MTR: variants seen among roughly 807,000 people sequenced by gnomAD.
MTR encodes the protein 5-methyltetrahydrofolate-homocysteine methyltransferase.
MTR carries 84 observed loss-of-function variants against 154.8 expected under a neutral mutation model. The observed-to-expected ratio is 0.54, with a 90% CI of 0.45 to 0.65. The LOEUF is 0.65. Ranked by LOEUF, MTR falls within the 30% of genes least tolerant of loss-of-function variation. The pLI, the probability that MTR is intolerant of heterozygous loss-of-function variation, is 0.00. For synonymous variants in MTR, 554 were observed against 553.9 expected (o/e 1.00, Z 0.00); for missense variants, 1,275 against 1,570.2 (o/e 0.81, Z 3.18).
At position 236,887,215 on chromosome 1, in the gene MTR, C is replaced by T. The variant is rs184638671; in HGVS notation, c.2851+848C>T. ...TCTACACATGCTTGGCAGAGTTGAG[C>T]GGATTAAATTGGAAATGTAGGTGTG... is the stretch of plus-strand genomic sequence containing the variant. On this transcript the variant is annotated intron_variant, in intron 27 of 32. Coordinates refer to ENST00000366577, the MANE Select transcript of MTR (RefSeq NM_000254.3). Among the ~76,000 whole-genome samples, 15 of 152,236 alleles carry T rather than the reference C, an allele frequency of 9.9e-5. No individual in the cohort carries two copies. In the East Asian group the frequency reaches 2.7e-3, roughly 27 times the overall value.
intron 18 of MTR, among the ~76,000 whole-genome samples, chr1:236,855,612 C>T (rs979908021): frequency 6.6e-6 from 1 of 152,176 alleles, no homozygotes; most frequent in African/African-American, 2.4e-5. Context: ...TCACATTCTT[C>T]CTTGGCTTTC....
rs1666690192 is a variant in MTR, at chr1:236,897,307, C to CAT, written c.3711+190_3711+191insTA. 7.6e-5 allele frequency among the ~76,000 whole-genome samples: 10 copies of CAT among 131,946 alleles called. No homozygotes were observed. The South Asian group carries it at 2.4e-3, about 31-fold the overall frequency. The allele number at this position is 131,946 out of a possible 152,430, so 86.6% of individuals were successfully genotyped here. On this transcript the variant is annotated intron_variant, in intron 32 of 32. Transcript: ENST00000366577. Reference sequence around the variant, plus strand: ...CTCACTTCTACATGCAAGCCACACACACGCACACACACACACACACACACA... The same window carrying CAT: ...CTCACTTCTACATGCAAGCCACACACATACGCACACACACACACACACACACA...
At chr1:236,836,029 A>G (rs545159034) in intron 14 of MTR, among the ~76,000 whole-genome samples, 8 of 152,290 alleles carry the variant, frequency 5.3e-5, no homozygotes, top group Admixed American at 5.2e-4. Flanking sequence ...AGGCAAGGGA[A>G]CTCAGTGAAT....
chr1:236,890,075 G>A (rs548197109), intron 28 of MTR, among the ~76,000 whole-genome samples: 2 of 152,262 alleles, frequency 1.3e-5, no homozygotes, highest in Non-Finnish European at 2.9e-5. Flanking sequence ...GCAGCAGGGA[G>A]GGGTAGACTC....
At chr1:236,851,517 A>G (rs1468328682) in intron 16 of MTR, among the ~76,000 whole-genome samples, 2 of 152,222 alleles carry the variant, frequency 1.3e-5, no homozygotes, top group South Asian at 4.1e-4. Context: ...TAGATACAGC[A>G]TCTTAACATA....
At chr1:236,895,976 C>G (rs1666603179) in intron 31 of MTR, among the ~76,000 whole-genome samples, 1 of 152,176 alleles carries the variant, frequency 6.6e-6, no homozygotes, top group African/African-American at 2.4e-5. Flanking sequence ...TTGCAGAGCG[C>G]CCAGCCTTCC....
At chr1:236,823,796 C>CTTTTT (rs59710180) in intron 8 of MTR, among the ~76,000 whole-genome samples, 507 of 18,422 alleles carry the variant, frequency 0.028, 180 homozygotes, top group Non-Finnish European at 0.034. Flanking sequence ...CAGGTCAGAT[C>CTTTTT]TTTTTTTTTT....
chr1:236,830,596 C>T (rs951047183), intron 12 of MTR, among the ~76,000 whole-genome samples: 1 of 152,166 alleles, frequency 6.6e-6, no homozygotes, highest in African/African-American at 2.4e-5. Context: ...ATCTTTGTAT[C>T]AAGTACTTCA....
At chr1:236,827,799 G>A (rs980198705) in intron 11 of MTR, among the ~76,000 whole-genome samples, 1 of 152,124 alleles carries the variant, frequency 6.6e-6, no homozygotes, top group Non-Finnish European at 1.5e-5. Context: ...TCAGTGAAAT[G>A]GAACATTGTT....
Position 236,876,667 on chromosome 1 carries a change from A to G in MTR, c.2594+1821A>G, listed in dbSNP as rs113084780. Among the ~76,000 whole-genome samples, 343 of 152,198 alleles carry G rather than the reference A, an allele frequency of 2.3e-3. 2 individuals are homozygous for G. Among genetic ancestry groups the G allele is most frequent in the Non-Finnish European group, 3.7e-3 (255 of 68,024 alleles). Reference sequence around the variant, plus strand: ...TCTTGTGCAAATTGGAACTTTACCAAATAGTCCATTCTATCATTTACTATG... The same window carrying G: ...TCTTGTGCAAATTGGAACTTTACCAGATAGTCCATTCTATCATTTACTATG... On this transcript the variant is annotated intron_variant, in intron 24 of 32. Coordinates refer to ENST00000366577, the MANE Select transcript of MTR (RefSeq NM_000254.3).
rs2103166386 is a variant in MTR at position 236,838,493 on chromosome 1, A to G, written c.1409A>G (p.Asn470Ser). 6 of 1,614,134 alleles carry G rather than the reference A, an allele frequency of 3.7e-6. No individual in the cohort carries two copies. Among genetic ancestry groups the G allele is most frequent in the South Asian group, 1.1e-5 (1 of 91,066 alleles). ...LKCCQGKCIV[N>S]SISLKEGEDD... is the part of the protein sequence containing the mutation. ...TGCTGCCAAGGGAAGTGCATTGTCA[A>G]TAGCATTAGTCTGAAGGAAGGAGAG... Residue 470 changes from asparagine (N) to serine (S), a missense_variant, in exon 15 of 33, where the codon AAT (asparagine) becomes AGT (serine). By Grantham distance (46) the Asn-to-Ser change is conservative. Transcript: ENST00000366577.
chr1:236,825,375 T>C lies in MTR; in HGVS notation c.903T>C (p.Pro301=). The part of the protein sequence containing the change: ...PNTFGDYDET[P]SMMAKHLKDF... ...CCTTTGGTGACTATGATGAAACGCC[T>C]TCTATGATGGCCAAGCACCTAAAGG... The change falls in exon 10 of 33, where the codon CCT becomes CCC. Residue 301 remains proline, a synonymous_variant. Coordinates refer to ENST00000366577, the MANE Select transcript of MTR (RefSeq NM_000254.3). 1 of 1,613,878 alleles carries C rather than the reference T, an allele frequency of 6.2e-7. No individual in the cohort carries two copies. The highest frequency in any genetic ancestry group is 1.1e-5 in the South Asian group (1 of 91,078).
In MTR at chr1:236,815,778, A is replaced by G. The variant is rs1429025005; in HGVS notation, c.669+115A>G. The stretch of plus-strand genomic sequence containing the variant: ...TTAATGGTATCTTTAGAACTCATCT[A>G]CTTTAACTTCCATTGTTCACTTCCC... On this transcript the variant is annotated intron_variant, in intron 7 of 32. Transcript: ENST00000366577. 12 of 998,108 alleles carry G rather than the reference A, an allele frequency of 1.2e-5. No homozygotes were observed. In the East Asian group the frequency reaches 2.8e-4, roughly 23 times the overall value. 61.8% of individuals were successfully genotyped at this position (998,108 alleles called of 1,614,324 possible). A position where few individuals can be genotyped will look rare whatever the true frequency, so the allele number is the denominator to read the frequency against.
intron 13 of MTR, among the ~76,000 whole-genome samples, chr1:236,832,777 G>C (rs150681835): frequency 6.6e-6 from 1 of 152,256 alleles, no homozygotes; most frequent in East Asian, 1.9e-4. Flanking sequence ...ACCAGTACCA[G>C]AGCTGATTTA....
intron 17 of MTR, 77 bp downstream of exon 17, chr1:236,852,714 G>C: frequency 1.5e-6 from 2 of 1,321,600 alleles, no homozygotes; most frequent in Non-Finnish European, 2.2e-6. Flanking sequence ...TGGCATGCAG[G>C]CTAAGTCCGG....
intron 15 of MTR, among the ~76,000 whole-genome samples, chr1:236,846,640 C>CA (rs1298355177): frequency 6.6e-6 from 1 of 152,256 alleles, no homozygotes; most frequent in African/African-American, 2.4e-5. Context: ...TTCAATTACT[C>CA]ATTCAATGGA....
chr1:236,868,377 C>A (rs533054374), intron 22 of MTR, among the ~76,000 whole-genome samples: 4 of 152,174 alleles, frequency 2.6e-5, no homozygotes, highest in African/African-American at 9.6e-5. Context: ...ATAGTGTGAA[C>A]ATAACTTTTA....
At chr1:236,875,413 A>G (rs1443125307) in intron 24 of MTR, among the ~76,000 whole-genome samples, 2 of 152,214 alleles carry the variant, frequency 1.3e-5, no homozygotes, top group African/African-American at 2.4e-5. Context: ...TGTAAAGATG[A>G]GAAAGTTCAA....
chr1:236,870,028 GT>G (rs1242283387), intron 22 of MTR, among the ~76,000 whole-genome samples: 4 of 152,148 alleles, frequency 2.6e-5, no homozygotes. Context: ...CTTGCCAACA[GT>G]TTCTCAACTC....
Sources: gnomAD v4.1 joint callset for allele counts (sites outside exome capture counted in the v4.1 genomes callset) on GRCh38, gnomAD v4.1.1 for gene constraint, MANE v1.5 for transcripts, NCBI Gene and HGNC (gene_info 2026-07-23, HGNC 2026-07-21) for gene names.